PPP4R1: variants seen among roughly 807,000 people sequenced by gnomAD.
The protein encoded by PPP4R1 is serine/threonine-protein phosphatase 4 regulatory subunit 1.
PPP4R1 carries 42 observed loss-of-function variants against 111.2 expected under a neutral mutation model. That is an observed-to-expected ratio of 0.38 (90% CI 0.29 to 0.49). The LOEUF (loss-of-function observed/expected upper bound fraction) is 0.49, where lower values mean the gene tolerates loss of function less well. Among genes scored for constraint, PPP4R1 ranks in the 20% least tolerant of loss-of-function variants. The pLI is 0.97. For synonymous variants in PPP4R1, 409 were observed against 405.5 expected (o/e 1.01, Z -0.10); for missense variants, 1,012 against 1,161.6 (o/e 0.87, Z 1.87).
chr18:9,589,164 C>T (rs924182224), intron 4 of PPP4R1, among the ~76,000 whole-genome samples: 1 of 152,116 alleles, frequency 6.6e-6, no homozygotes, highest in Non-Finnish European at 1.5e-5. Context: ...GGTTAAATAT[C>T]CTATCTGATA....
At chr18:9,580,767 G>C (rs1331083037) in intron 9 of PPP4R1, among the ~76,000 whole-genome samples, 1 of 152,234 alleles carries the variant, frequency 6.6e-6, no homozygotes, top group East Asian at 1.9e-4. Flanking sequence ...CATCGCTCCA[G>C]CTACCTGATG....
At chr18:9,560,863 TAAC>T (rs973893887) in intron 13 of PPP4R1, among the ~76,000 whole-genome samples, 4 of 147,962 alleles carry the variant, frequency 2.7e-5, no homozygotes, top group Admixed American at 6.8e-5. Context: ...ACCCCATCTC[TAAC>T]AACAATAACA....
intron 2 of PPP4R1, among the ~76,000 whole-genome samples, chr18:9,603,440 C>G (rs2067425941): frequency 6.6e-6 from 1 of 151,950 alleles, no homozygotes; most frequent in South Asian, 2.1e-4. Flanking sequence ...GTTGATCAAC[C>G]AAGTATTAAT....
At chr18:9,566,933 G>A (rs780753386) in intron 11 of PPP4R1, among the ~76,000 whole-genome samples, 2 of 152,150 alleles carry the variant, frequency 1.3e-5, no homozygotes, top group Non-Finnish European at 2.9e-5. Flanking sequence ...TGATAGAGGC[G>A]TATGAGGAGA....
At chr18:9,576,997 T>C in intron 10 of PPP4R1, 67 bp downstream of exon 10, 3 of 1,332,710 alleles carry the variant, frequency 2.3e-6, no homozygotes, top group Middle Eastern at 4.3e-4. Context: ...ATAGTGGAAA[T>C]AATGTTTAAA....
chr18:9,553,235 C>T (rs2066517455), intron 16 of PPP4R1, 87 bp downstream of exon 16: 3 of 1,063,328 alleles, frequency 2.8e-6, no homozygotes, highest in African/African-American at 3.2e-5. Context: ...TGGATCTACA[C>T]AAAGTAATGA....
At chr18:9,595,182 T>G (rs375494727) in intron 2 of PPP4R1, 29 bp from the exon 3 acceptor site, 1 of 1,605,776 alleles carries the variant, frequency 6.2e-7, no homozygotes, top group South Asian at 1.1e-5. Context: ...ATACTCCTTA[T>G]AACACTTTGA....
rs907594990 is a variant in PPP4R1, at chr18:9,588,311, A to C, written c.439-76T>G. The C allele has an allele frequency of 2.1e-6, 3 of 1,459,576 alleles. No individual in the cohort carries two copies. In the African/African-American group the frequency reaches 4.3e-5, roughly 21 times the overall value. 90.4% of individuals were successfully genotyped at this position (1,459,576 alleles called of 1,614,324 possible). A position where few individuals can be genotyped will look rare whatever the true frequency, so the allele number is the denominator to read the frequency against. On this transcript the variant is annotated intron_variant, in intron 5 of 19. Transcript: ENST00000400556. ...TTCTATCACTTGATTTTTATAAACA[A>C]AGATTTCTCATCTCAAAGGGACCCA...
intron 15 of PPP4R1, among the ~76,000 whole-genome samples, chr18:9,553,805 T>C (rs188895601): frequency 2.6e-5 from 4 of 152,350 alleles, no homozygotes; most frequent in African/African-American, 9.6e-5. Context: ...TGTGACGCTG[T>C]GACAGCACAG....
At chr18:9,606,328 A>G (rs2067481558) in intron 2 of PPP4R1, among the ~76,000 whole-genome samples, 1 of 152,158 alleles carries the variant, frequency 6.6e-6, no homozygotes, top group African/African-American at 2.4e-5. Context: ...ATTTTATTGG[A>G]TGACACTTAC....
At chr18:9,581,265 C>T (rs1178039901) in intron 9 of PPP4R1, among the ~76,000 whole-genome samples, 2 of 151,706 alleles carry the variant, frequency 1.3e-5, no homozygotes, top group Non-Finnish European at 2.9e-5. Context: ...AAAAAGACTT[C>T]AAAGTAGCTA....
At chr18:9,566,481 T>TAAAC (rs1289740706) in intron 11 of PPP4R1, among the ~76,000 whole-genome samples, 4 of 151,552 alleles carry the variant, frequency 2.6e-5, no homozygotes, top group African/African-American at 7.3e-5. Flanking sequence ...GAAATCCCAT[T>TAAAC]AAACAAACAA....
intron 2 of PPP4R1, among the ~76,000 whole-genome samples, chr18:9,602,127 T>C (rs1264966359): frequency 1.3e-5 from 2 of 152,168 alleles, no homozygotes; most frequent in East Asian, 3.9e-4. Flanking sequence ...GTATCCTCTC[T>C]CTATACTACT....
At position 9,598,431 on chromosome 18, in the gene PPP4R1, C is replaced by T. The variant is rs573542546; in HGVS notation, c.53-3278G>A. 2.6e-5 allele frequency among the ~76,000 whole-genome samples: 4 copies of T among 152,240 alleles called. No homozygotes were observed. The East Asian group carries it at 5.8e-4, about 22-fold the overall frequency. ...AAACTTTCAGGCAGCCGGAGAAAAACTCATGTTACATAGAGAAAAACAAAA... is the reference window on the plus strand; with the variant it reads ...AAACTTTCAGGCAGCCGGAGAAAAATTCATGTTACATAGAGAAAAACAAAA... On this transcript the variant is annotated intron_variant, in intron 2 of 19. Transcript: ENST00000400556.
chr18:9,588,244 A>G lies in PPP4R1; in HGVS notation c.439-9T>C. 6.2e-7 allele frequency: 1 copy of G among 1,611,438 alleles called. No homozygotes were observed. Among genetic ancestry groups the G allele is most frequent in the South Asian group, 1.1e-5 (1 of 90,580 alleles). ...TGACTTGTTTTCCTCACCTAGGAGA[A>G]AAATAACAACACAAAGAAAGTACAT... On this transcript the variant is annotated splice_polypyrimidine_tract_variant and intron_variant, in intron 5 of 19. Transcript: ENST00000400556.
At chr18:9,558,699 GTT>G (rs1555666878) in intron 14 of PPP4R1, among the ~76,000 whole-genome samples, 1 of 148,168 alleles carries the variant, frequency 6.7e-6, no homozygotes, top group Non-Finnish European at 1.5e-5. Context: ...TAATCAGACT[GTT>G]TTTTTTTTTT....
At chr18:9,561,443 C>G (rs945782473) in intron 13 of PPP4R1, among the ~76,000 whole-genome samples, 3 of 151,860 alleles carry the variant, frequency 2.0e-5, no homozygotes, top group African/African-American at 7.3e-5. Context: ...GGTGTGCTCA[C>G]AGGAGAGGTC....
At chr18:9,608,874 A>C (rs1176283290) in intron 2 of PPP4R1, among the ~76,000 whole-genome samples, 1 of 152,224 alleles carries the variant, frequency 6.6e-6, no homozygotes, top group Admixed American at 6.5e-5. Context: ...CCAGAGATCA[A>C]ACAAATGTGG....
chr18:9,585,454 C>T (rs962952685), intron 6 of PPP4R1, among the ~76,000 whole-genome samples: 7 of 152,078 alleles, frequency 4.6e-5, no homozygotes, highest in African/African-American at 1.7e-4. Context: ...GAAAACTGGC[C>T]CTCTATTTAG....
Sources: gnomAD v4.1 joint callset for allele counts (sites outside exome capture counted in the v4.1 genomes callset) on GRCh38, gnomAD v4.1.1 for gene constraint, MANE v1.5 for transcripts, NCBI Gene and HGNC (gene_info 2026-07-23, HGNC 2026-07-21) for gene names.